IGSF1: variants seen among roughly 807,000 people sequenced by gnomAD.
IGSF1 encodes the protein immunoglobulin superfamily member 1.
IGSF1 carries 40 observed loss-of-function variants against 95.3 expected under a neutral mutation model. The ratio of observed to expected loss-of-function variants is 0.42; its 90% CI spans 0.33 to 0.55. The LOEUF is 0.55. Ranked by LOEUF, IGSF1 falls within the 20% of genes least tolerant of loss-of-function variation. The pLI, the probability that IGSF1 is intolerant of heterozygous loss-of-function variation, is 0.10. For missense variants in IGSF1, 906 were observed against 1,025.4 expected (o/e 0.88, Z 1.59); for synonymous variants, 372 against 382.9 (o/e 0.97, Z 0.33).
rs867731409 is a variant in IGSF1, at chrX:131,282,960, A to T, written c.952+20T>A. On this transcript the variant is annotated intron_variant, in intron 6 of 19. Coordinates refer to ENST00000361420, the MANE Select transcript of IGSF1 (RefSeq NM_001555.5). ...ATCCTTAGCCGTTAACCTAAGTTTC[A>T]TGGCATACCCGTCTCTTACCAGTCA... 2 of 1,167,528 alleles carry T rather than the reference A, an allele frequency of 1.7e-6. No individual in the cohort carries two copies. Among genetic ancestry groups the T allele is most frequent in the Middle Eastern group, 4.7e-4 (2 of 4,243 alleles).
At position 131,274,119 on chromosome X, in the gene IGSF1, G is replaced by A; in HGVS notation, c.3839C>T (p.Ala1280Val). Residue 1280 changes from alanine to valine, a missense_variant, in exon 19 of 20, where the codon GCC becomes GTC. This residue lies in a region of IGSF1 where 411 missense variants were observed against 494.9 expected (regional missense o/e 0.83). Coordinates refer to ENST00000361420, the MANE Select transcript of IGSF1 (RefSeq NM_001555.5). ...TCGAGGCCACTTCTTCCACTCTATG[G>A]CTAGCACTACCCCCAAGGCTACAAC... ...VVVVALGVVL[A>V]IEWKKWPRLR... 1 of 1,211,385 alleles carries A rather than the reference G, an allele frequency of 8.3e-7. No individual in the cohort carries two copies. Among genetic ancestry groups the A allele is most frequent in the Non-Finnish European group, 1.1e-6 (1 of 895,303 alleles).
rs749367747 is a variant in IGSF1, at chrX:131,284,092, C to T, written c.668-828G>A. The T allele has an allele frequency of 2.4e-5, 17 of 710,901 alleles. No homozygotes were observed. In the African/African-American group the frequency reaches 3.8e-4, roughly 16 times the overall value. The allele number at this position is 710,901 out of a possible 1,213,427, so 58.6% of individuals were successfully genotyped here. A position where few individuals can be genotyped will look rare whatever the true frequency, so the allele number is the denominator to read the frequency against. On this transcript the variant is annotated intron_variant, in intron 5 of 19. Coordinates refer to ENST00000361420, the MANE Select transcript of IGSF1 (RefSeq NM_001555.5). Reference sequence around the variant, plus strand: ...CTATGCTGAAAGGGCATGAGTACAACAAACATTCATACACTCAGTTCAAAC... The same window carrying T: ...CTATGCTGAAAGGGCATGAGTACAATAAACATTCATACACTCAGTTCAAAC...
At chrX:131,281,503 C>G (rs2080559037) in intron 8 of IGSF1, among the ~76,000 whole-genome samples, 163 bp downstream of exon 8, 1 of 111,519 alleles carries the variant, frequency 9.0e-6, no homozygotes, top group Non-Finnish European at 1.9e-5. Context: ...AATTATCCTG[C>G]TAACTGCCTT....
rs773612303 is a variant in IGSF1, at chrX:131,278,608, T to G, written c.1894A>C (p.Ile632Leu). ...TGCTCTGAGGCCGGGCGAGTGGCGATCCACCCGGTCCCATCCTTCAGCAAC... is the reference window on the plus strand; with the variant it reads ...TGCTCTGAGGCCGGGCGAGTGGCGAGCCACCCGGTCCCATCCTTCAGCAAC... ...FVLLKDGTGWIATRPASEQVR... is the reference protein window; with the variant it reads ...FVLLKDGTGWLATRPASEQVR... The change falls in exon 12 of 20, where the codon ATC becomes CTC. Residue 632 changes from isoleucine (I) to leucine (L), a missense_variant. Coordinates refer to ENST00000361420, the MANE Select transcript of IGSF1 (RefSeq NM_001555.5). 1.7e-6 allele frequency: 2 copies of G among 1,211,291 alleles called. No homozygotes were observed. The highest frequency in any genetic ancestry group is 2.3e-4 in the Middle Eastern group (1 of 4,354).
chrX:131,281,140 G>T (rs938054521), intron 9 of IGSF1, 78 bp downstream of exon 9: 68 of 1,112,655 alleles, frequency 6.1e-5, no homozygotes, highest in Non-Finnish European at 8.1e-5. Flanking sequence ...TGCCTCTGTG[G>T]CTTGTCTCAA....
In IGSF1 at chrX:131,273,783, AAGG is replaced by A; in HGVS notation, c.*10_*12del. On this transcript the variant is annotated 3_prime_UTR_variant, in exon 20 of 20. Transcript: ENST00000361420. ...GAGAGAGGAGAGGAAAGCTCTTGTA[AAGG>A]AGGAGATTATTATATTGGAACGGGC... 8.3e-7 allele frequency: 1 copy of A among 1,201,293 alleles called. No homozygotes were observed. Among genetic ancestry groups the A allele is most frequent in the Non-Finnish European group, 1.1e-6 (1 of 889,566 alleles).
Position 131,273,911 on chromosome X carries a change from C to T in IGSF1, c.3896G>A (p.Arg1299Lys), listed in dbSNP as rs375807261. ...CTCTTCAAGGGCAATGGTCTGGTCT[C>T]TTCCGTCTGTCTCTGAGCCTCTATG... ...LRTRGSETDG[R>K]DQTIALEECN... Residue 1299 changes from arginine (R) to lysine (K), a missense_variant, in exon 20 of 20, where the codon AGA (arginine) becomes AAA (lysine). Arg to Lys is a conservative substitution (Grantham distance 26). Coordinates refer to ENST00000361420, the MANE Select transcript of IGSF1 (RefSeq NM_001555.5). The T allele has an allele frequency of 8.3e-6, 10 of 1,208,839 alleles. No homozygotes were observed. The highest frequency in any genetic ancestry group is 1.1e-5 in the Non-Finnish European group (10 of 894,695).
At chrX:131,277,332 A>C in intron 13 of IGSF1, 106 bp from the exon 14 acceptor site, 1 of 812,154 alleles carries the variant, frequency 1.2e-6, no homozygotes, top group East Asian at 3.3e-5. Context: ...TGGTTCTCGG[A>C]GGCTTCTTTG....
chrX:131,278,766 A>G lies in IGSF1; in HGVS notation c.1751-15T>C. The stretch of plus-strand genomic sequence containing the variant: ...CATGACTATTTCTAGAAACAGCAGA[A>G]TTAATGAAGCCATCCTCCCGCCTCC... On this transcript the variant is annotated splice_polypyrimidine_tract_variant and intron_variant, in intron 11 of 19. Transcript: ENST00000361420. 1.7e-6 allele frequency: 2 copies of G among 1,198,019 alleles called. No individual in the cohort carries two copies.
rs753898757 is a variant in IGSF1 at position 131,278,107 on chromosome X, G to A, written c.2069C>T (p.Ala690Val). The change falls in exon 13 of 20, where the codon GCT (alanine) becomes GTT (valine). Residue 690 changes from alanine to valine, a missense_variant. Ala to Val is a moderately conservative substitution (Grantham distance 64, BLOSUM62 0). Transcript: ENST00000361420. Reference protein sequence around the residue: ...TDILPKPVISASPTIRGQELQ... With the variant: ...TDILPKPVISVSPTIRGQELQ... The stretch of plus-strand genomic sequence containing the variant: ...TTCCTGGCCCCGGATTGTGGGGGAA[G>A]CAGAAATGACAGGTTTGGGGAGGAT... 2.5e-6 allele frequency: 3 copies of A among 1,211,025 alleles called. No homozygotes were observed. Among genetic ancestry groups the A allele is most frequent in the Non-Finnish European group, 2.2e-6 (2 of 894,920 alleles).
At chrX:131,280,560 C>G (rs761706140) in intron 9 of IGSF1, among the ~76,000 whole-genome samples, 3 of 111,900 alleles carry the variant, frequency 2.7e-5, no homozygotes, top group Non-Finnish European at 5.6e-5. Context: ...ATGAGAGAGG[C>G]AGATGGCCCA....
At chrX:131,288,759 A>G (rs1270619477) in intron 1 of IGSF1, among the ~76,000 whole-genome samples, 2 of 59,010 alleles carry the variant, frequency 3.4e-5, no homozygotes, top group South Asian at 1.6e-3. Flanking sequence ...CCCCACCCCC[A>G]CCCCCAACTT....
chrX:131,281,483 G>C (rs891310270), intron 8 of IGSF1, 145 bp from the exon 9 acceptor site: 1 of 887,458 alleles, frequency 1.1e-6, no homozygotes, highest in African/African-American at 2.0e-5. Context: ...ATGGAGAATG[G>C]GAGCCTTGAA....
rs373931325 is a variant in IGSF1 at position 131,275,304 on chromosome X, C to G, written c.3185-18G>C. ...GAGTAAGCCTGGAAGAAATGAACTC[C>G]TGGTCAAAGAGAAGAGGTCACTTTC... On this transcript the variant is annotated intron_variant, in intron 16 of 19. Transcript: ENST00000361420. 19 of 1,204,153 alleles carry G rather than the reference C, an allele frequency of 1.6e-5. No individual in the cohort carries two copies. In the African/African-American group the frequency reaches 2.3e-4, roughly 14 times the overall value.
Position 131,275,708 on chromosome X carries a change from T to C in IGSF1, c.2954A>G (p.Gln985Arg), listed in dbSNP as rs1208470763. The change falls in exon 16 of 20, where the codon CAG becomes CGG. Residue 985 changes from glutamine to arginine, a missense_variant. Physicochemically the swap from Gln to Arg is conservative, Grantham distance 43. Transcript: ENST00000361420. ...AEPSSVVPMG[Q>R]NVTLWCRGPV... ...CCCTCGGCACCAGAGAGTAACATTC[T>C]GCCCCATGGGAACCACAGAACTGGG... The C allele has an allele frequency of 8.3e-7, 1 of 1,211,492 alleles. No homozygotes were observed. Among genetic ancestry groups the C allele is most frequent in the Non-Finnish European group, 1.1e-6 (1 of 895,075 alleles).
At position 131,286,705 on chromosome X, in the gene IGSF1, G is replaced by C. The variant is rs1329382532; in HGVS notation, c.-31C>G. The stretch of plus-strand genomic sequence containing the variant: ...CTCTGGTGCTGGCTGTGTGCTCTGA[G>C]TCTTGAAGAATTTTTCTCCTCAGCA... On this transcript the variant is annotated 5_prime_UTR_variant, in exon 2 of 20. Transcript: ENST00000361420. The C allele has an allele frequency of 1.3e-5, 15 of 1,111,699 alleles. No individual in the cohort carries two copies. Among genetic ancestry groups the C allele is most frequent in the Non-Finnish European group, 1.8e-5 (15 of 840,560 alleles). The allele number at this position is 1,111,699 out of a possible 1,213,427, so 91.6% of individuals were successfully genotyped here. A position where few individuals can be genotyped will look rare whatever the true frequency, so the allele number is the denominator to read the frequency against.
chrX:131,277,813 C>A, intron 13 of IGSF1, 43 bp downstream of exon 13: 1 of 1,173,710 alleles, frequency 8.5e-7, no homozygotes, highest in Non-Finnish European at 1.2e-6. Context: ...TTGCCTTTCC[C>A]TCCACCCTGC....
At chrX:131,279,119 C>T (rs2080517766) in intron 11 of IGSF1, 24 bp downstream of exon 11, 3 of 1,178,364 alleles carry the variant, frequency 2.5e-6, no homozygotes, top group Non-Finnish European at 3.5e-6. Flanking sequence ...AGGAATGTCC[C>T]AGTCTGGAGC....
At position 131,275,655 on chromosome X, in the gene IGSF1, G is replaced by A. The variant is rs1192692070; in HGVS notation, c.3007C>T (p.His1003Tyr). 2 of 1,209,309 alleles carry A rather than the reference G, an allele frequency of 1.7e-6. No individual in the cohort carries two copies. The highest frequency in any genetic ancestry group is 1.8e-5 in the South Asian group (1 of 56,779). The change falls in exon 16 of 20, where the codon CAC becomes TAC. Residue 1003 changes from histidine to tyrosine, a missense_variant. Physicochemically the swap from His to Tyr is moderately conservative, Grantham distance 83. Transcript: ENST00000361420. ...GPVHGVGYILHKEGEATSMQL... is the reference protein window; with the variant it reads ...GPVHGVGYILYKEGEATSMQL... ...ATTGAAGTGGCTTCTCCTTCTTTGT[G>A]CAGAATGTATCCTACTCCATGGACC...
Sources: gnomAD v4.1 joint callset for allele counts (sites outside exome capture counted in the v4.1 genomes callset) on GRCh38, gnomAD v4.1.1 for gene constraint, gnomAD v4.1.1 regional missense constraint, MANE v1.5 for transcripts, NCBI Gene and HGNC (gene_info 2026-07-23, HGNC 2026-07-21) for gene names.